RBM6: variants seen among roughly 807,000 people sequenced by gnomAD.
RBM6 encodes RNA binding motif protein 6, also known as RNA-binding protein 6.
In RBM6, 23 loss-of-function variants were observed where a neutral mutation model predicts 140.4. The observed-to-expected ratio is 0.16, with a 90% CI of 0.12 to 0.23. The LOEUF is 0.23. RBM6 is among the 10% of genes least tolerant of loss of function. The pLI is 1.00. For synonymous variants in RBM6, 439 were observed against 475.6 expected, an observed-to-expected ratio of 0.92 and a Z score of 1.00; for missense variants, 1,139 against 1,386.7, an observed-to-expected ratio of 0.82 and a Z score of 2.84.
intron 1 of RBM6, among the ~76,000 whole-genome samples, chr3:49,945,390 G>C (rs1200712447): frequency 6.6e-6 from 1 of 151,764 alleles, no homozygotes; most frequent in East Asian, 1.9e-4. Context: ...GGTTGCCCAG[G>C]CTTTATGTAT....
intron 19 of RBM6, among the ~76,000 whole-genome samples, chr3:50,074,693 T>C (rs1293480878): frequency 3.9e-5 from 6 of 152,214 alleles, no homozygotes; most frequent in African/African-American, 1.4e-4. Flanking sequence ...TTGAGACCTT[T>C]CTTGTGAACA....
At chr3:50,065,317 A>G (rs537514571) in intron 16 of RBM6, among the ~76,000 whole-genome samples, 191 bp downstream of exon 16, 1 of 152,196 alleles carries the variant, frequency 6.6e-6, no homozygotes, top group Non-Finnish European at 1.5e-5. Context: ...TGGGGGTATT[A>G]CTGGAGAACC....
chr3:50,002,588 G>A (rs950149988), intron 6 of RBM6, among the ~76,000 whole-genome samples: 6 of 151,968 alleles, frequency 3.9e-5, no homozygotes, highest in African/African-American at 1.4e-4. Context: ...GTAGAGATGG[G>A]GTTTCACTAT....
intron 6 of RBM6, among the ~76,000 whole-genome samples, chr3:50,014,354 A>G (rs1258201855): frequency 6.6e-6 from 1 of 152,148 alleles, no homozygotes; most frequent in Non-Finnish European, 1.5e-5. Flanking sequence ...AAGGTAATAA[A>G]CATTCTTAAA....
intron 11 of RBM6, 175 bp from the exon 12 acceptor site, chr3:50,060,779 GTC>G: frequency 2.9e-6 from 1 of 339,264 alleles, no homozygotes; most frequent in Non-Finnish European, 5.2e-6. Flanking sequence ...AAAAAAAAGA[GTC>G]TTACTGCTCA....
At chr3:50,056,035 A>G (rs1422041469) in intron 8 of RBM6, among the ~76,000 whole-genome samples, 3 of 152,178 alleles carry the variant, frequency 2.0e-5, no homozygotes, top group Non-Finnish European at 4.4e-5. Flanking sequence ...TAATGTGCCT[A>G]CAAGGAGTTT....
At chr3:49,974,365 C>T (rs1163910528) in intron 4 of RBM6, among the ~76,000 whole-genome samples, 1 of 151,622 alleles carries the variant, frequency 6.6e-6, no homozygotes, top group African/African-American at 2.4e-5. Context: ...AGCCAGTACT[C>T]CTGGCTAATT....
rs10663019 is a variant in RBM6, at chr3:50,061,560, C to CTTTTTTTTTTTTTTTT, written c.2439+22_2439+37dup. On this transcript the variant is annotated intron_variant, in intron 14 of 20. Transcript: ENST00000266022. ...CCCCAATACCCAGGTGAGTTTGGGG[C>CTTTTTTTTTTTTTTTT]TTTTTTTTTTTTTTTTTTTTTTTTA... The CTTTTTTTTTTTTTTTT allele has an allele frequency of 1.6e-5, 20 of 1,270,288 alleles. No homozygotes were observed. Among genetic ancestry groups the CTTTTTTTTTTTTTTTT allele is most frequent in the South Asian group, 1.6e-4 (8 of 50,846 alleles). The allele number at this position is 1,270,288 out of a possible 1,614,324, so 78.7% of individuals were successfully genotyped here. A position where few individuals can be genotyped will look rare whatever the true frequency, so the allele number is the denominator to read the frequency against.
intron 1 of RBM6, among the ~76,000 whole-genome samples, chr3:49,951,628 T>G (rs542713037): frequency 6.6e-6 from 1 of 152,104 alleles, no homozygotes; most frequent in Admixed American, 6.6e-5. Flanking sequence ...TGGAGTGCAG[T>G]GGCACGATCT....
chr3:49,968,798 T>TTTTTAG, intron 3 of RBM6, 50 bp downstream of exon 3: 2 of 1,320,274 alleles, frequency 1.5e-6, no homozygotes, highest in East Asian at 2.5e-5. Flanking sequence ...TTTTTTTTTT[T>TTTTTAG]GAGACGGAGT....
chr3:50,002,428 A>C (rs944378937), intron 6 of RBM6, among the ~76,000 whole-genome samples: 24 of 151,812 alleles, frequency 1.6e-4, no homozygotes, highest in Admixed American at 3.3e-4. Flanking sequence ...CACCTGGCTA[A>C]TTTTTGTATT....
In RBM6 at chr3:50,025,329, A is replaced by G. The variant is rs2087738413; in HGVS notation, c.1558-22916A>G. Among the ~76,000 whole-genome samples, 3 of 151,766 alleles carry G rather than the reference A, an allele frequency of 2.0e-5. 1 individual carries two copies. Among genetic ancestry groups the G allele is most frequent in the Non-Finnish European group, 2.9e-5 (2 of 67,970 alleles). On this transcript the variant is annotated intron_variant, in intron 6 of 20. Coordinates refer to ENST00000266022, the MANE Select transcript of RBM6 (RefSeq NM_005777.3). Reference sequence around the variant, plus strand: ...TCCCAGCTACACAGGAGGCTGAGGCAGGATAATCACTTGAACCCAGGAGGT... The same window carrying G: ...TCCCAGCTACACAGGAGGCTGAGGCGGGATAATCACTTGAACCCAGGAGGT...
At chr3:50,011,797 A>G (rs1232533352) in intron 6 of RBM6, among the ~76,000 whole-genome samples, 1 of 150,722 alleles carries the variant, frequency 6.6e-6, no homozygotes, top group Non-Finnish European at 1.5e-5. Context: ...AAGTTGTAAC[A>G]TTTATTATTA....
intron 1 of RBM6, among the ~76,000 whole-genome samples, chr3:49,959,355 ATTTTTTTTTTT>A (rs1183057889): frequency 1.1e-4 from 13 of 123,074 alleles, no homozygotes; most frequent in East Asian, 9.8e-4. Context: ...CGCCTGGCTA[ATTTTTTTTTTT>A]TTTTTTGTAT....
intron 7 of RBM6, among the ~76,000 whole-genome samples, chr3:50,052,550 A>G (rs544663848): frequency 7.2e-5 from 11 of 152,196 alleles, no homozygotes; most frequent in East Asian, 5.8e-4. Flanking sequence ...ACCATAATCT[A>G]TAGGTTTATT....
At chr3:50,023,262 G>T (rs2087612296) in intron 6 of RBM6, among the ~76,000 whole-genome samples, 1 of 151,298 alleles carries the variant, frequency 6.6e-6, no homozygotes, top group Non-Finnish European at 1.5e-5. Context: ...TCTTCTTCTT[G>T]CTTTTATAAA....
At chr3:50,074,107 G>A (rs921126455) in intron 19 of RBM6, among the ~76,000 whole-genome samples, 2 of 152,136 alleles carry the variant, frequency 1.3e-5, no homozygotes, top group Non-Finnish European at 2.9e-5. Context: ...GGGATTACAG[G>A]CGTGAGTCAC....
intron 15 of RBM6, among the ~76,000 whole-genome samples, 173 bp downstream of exon 15, chr3:50,062,281 G>T (rs1479641853): frequency 6.6e-6 from 1 of 152,148 alleles, no homozygotes; most frequent in Non-Finnish European, 1.5e-5. Context: ...AAGGCGGGCG[G>T]ATCATGAGGT....
In RBM6 at chr3:50,019,949, C is replaced by T. The variant is rs770284512; in HGVS notation, c.1557+20436C>T. Among the ~76,000 whole-genome samples, 6 of 149,438 alleles carry T rather than the reference C, an allele frequency of 4.0e-5. 1 individual carries two copies. The highest frequency in any genetic ancestry group is 6.4e-3 in the Middle Eastern group (2 of 314). ...TTTTTTTTTTTTAGATGCAGGGTCT[C>T]ACTCTGTTGCCCAGGCTAGAGTGCA... On this transcript the variant is annotated intron_variant, in intron 6 of 20. Transcript: ENST00000266022.
Sources: gnomAD v4.1 joint callset for allele counts (sites outside exome capture counted in the v4.1 genomes callset) on GRCh38, gnomAD v4.1.1 for gene constraint, MANE v1.5 for transcripts, NCBI Gene and HGNC (gene_info 2026-07-23, HGNC 2026-07-21) for gene names.